Variants in PRR16 observed in about 807,000 individuals in gnomAD.
PRR16 encodes proline rich 16.
In PRR16, 6 loss-of-function variants were observed where a neutral mutation model predicts 18.2. That is an observed-to-expected ratio of 0.33 (90% CI 0.18 to 0.65). The LOEUF (loss-of-function observed/expected upper bound fraction) is 0.65, where lower values mean the gene tolerates loss of function less well. Among genes scored for constraint, PRR16 ranks in the 30% least tolerant of loss-of-function variants. The pLI is 0.74. For missense variants in PRR16, 412 were observed against 376.6 expected (o/e 1.09, Z -0.78); for synonymous variants, 151 against 147.8 (o/e 1.02, Z -0.16).
chr5:120,469,558 G>A (rs1052962738), intron 1 of PRR16, among the ~76,000 whole-genome samples: 2 of 151,802 alleles, frequency 1.3e-5, no homozygotes, highest in Non-Finnish European at 2.9e-5. Context: ...TTGAACACCT[G>A]TCTTCAAGTC....
chr5:120,783,748 G>GAAAT, the PRR16 span, among the ~76,000 whole-genome samples: 1 of 151,862 alleles, frequency 6.6e-6, no homozygotes. Context: ...TAGTTATTTG[G>GAAAT]AAATATACAA....
At chr5:120,757,495 T>G in the PRR16 span, among the ~76,000 whole-genome samples, 5 of 151,992 alleles carry the variant, frequency 3.3e-5, no homozygotes, top group Admixed American at 1.3e-4. Context: ...CTTTCAGCAG[T>G]GTTTTCTGGG....
At chr5:120,681,311 T>C (rs1049210890) in intron 1 of PRR16, among the ~76,000 whole-genome samples, 1 of 152,202 alleles carries the variant, frequency 6.6e-6, no homozygotes, top group Admixed American at 6.5e-5. Context: ...ATATCTGTTA[T>C]TTCAATAGTT....
intron 1 of PRR16, among the ~76,000 whole-genome samples, chr5:120,493,280 G>A (rs1304464083): frequency 1.3e-5 from 2 of 151,900 alleles, no homozygotes; most frequent in Non-Finnish European, 2.9e-5. Flanking sequence ...ATATCATTGT[G>A]GTTTTATTTT....
intron 1 of PRR16, among the ~76,000 whole-genome samples, chr5:120,588,255 C>T (rs139030124): frequency 1.1e-4 from 16 of 152,262 alleles, no homozygotes; most frequent in Non-Finnish European, 1.3e-4. Context: ...ATTGCATAAA[C>T]TTAGTTTTTA....
chr5:120,726,826 A>G, the PRR16 span, among the ~76,000 whole-genome samples: 4 of 152,056 alleles, frequency 2.6e-5, no homozygotes, highest in Admixed American at 2.0e-4. Context: ...GGCTGTATAT[A>G]CTTAGAAGGC....
the PRR16 span, among the ~76,000 whole-genome samples, chr5:120,701,515 G>T: frequency 6.6e-6 from 1 of 152,092 alleles, no homozygotes; most frequent in African/African-American, 2.4e-5. Flanking sequence ...CTGGGCAGGA[G>T]GGGGAGGGCT....
intron 1 of PRR16, among the ~76,000 whole-genome samples, chr5:120,648,843 C>T (rs1305939679): frequency 6.6e-6 from 1 of 152,002 alleles, no homozygotes; most frequent in Non-Finnish European, 1.5e-5. Context: ...TTTCAAGCTA[C>T]AAACTTGATG....
chr5:120,514,887 C>T (rs1381008867), intron 1 of PRR16, among the ~76,000 whole-genome samples: 1 of 152,126 alleles, frequency 6.6e-6, no homozygotes, highest in East Asian at 1.9e-4. Flanking sequence ...CTAGCCTGCT[C>T]TTCGAAATTC....
At chr5:120,552,336 A>T (rs962657319) in intron 1 of PRR16, among the ~76,000 whole-genome samples, 4 of 151,880 alleles carry the variant, frequency 2.6e-5, no homozygotes, top group African/African-American at 9.7e-5. Context: ...GTTTGCTGGG[A>T]TTATCATAAA....
intron 1 of PRR16, among the ~76,000 whole-genome samples, chr5:120,581,907 G>T (rs893191432): frequency 2.0e-5 from 3 of 151,960 alleles, no homozygotes; most frequent in Non-Finnish European, 4.4e-5. Flanking sequence ...CCGTTCTTTT[G>T]CATTTGCTGA....
chr5:120,487,405 A>G lies in PRR16; in HGVS notation c.159+22760A>G, dbSNP rs988945689. Among the ~76,000 whole-genome samples, 92 of 152,236 alleles carry G rather than the reference A, an allele frequency of 6.0e-4. 1 individual carries two copies. The highest frequency in any genetic ancestry group is 3.4e-3 in the Middle Eastern group (1 of 294). On this transcript the variant is annotated intron_variant, in intron 1 of 1. Transcript: ENST00000407149. The stretch of plus-strand genomic sequence containing the variant: ...TTCCTAGGTATTTTATTCTCTTTGA[A>G]GCAATTGTGAATGGGCGTTCACTCA...
chr5:120,664,346 G>A (rs1044702673), intron 1 of PRR16, among the ~76,000 whole-genome samples: 13 of 151,598 alleles, frequency 8.6e-5, no homozygotes, highest in East Asian at 1.9e-4. Flanking sequence ...TCCTTATCTC[G>A]TGCTGCAATC....
chr5:120,755,155 C>T, the PRR16 span, among the ~76,000 whole-genome samples: 3 of 150,902 alleles, frequency 2.0e-5, no homozygotes, highest in Admixed American at 6.6e-5. Flanking sequence ...CAAACCTGCA[C>T]GTTGTGCACA....
At chr5:120,621,068 A>C (rs146756084) in intron 1 of PRR16, among the ~76,000 whole-genome samples, 40 of 152,188 alleles carry the variant, frequency 2.6e-4, no homozygotes, top group Admixed American at 2.3e-3. Context: ...AAGTTTTGTC[A>C]AATGTTCCTC....
rs182192484 is a variant in PRR16 at position 120,610,538 on chromosome 5, G to A, written c.160-75416G>A. 2.4e-3 allele frequency among the ~76,000 whole-genome samples: 372 copies of A among 151,940 alleles called. 2 individuals carry two copies. Among genetic ancestry groups the A allele is most frequent in the African/African-American group, 8.6e-3 (355 of 41,436 alleles). ...GACCCAGGGGAGGTAATTGAATCACGGGGGCCAGTCTTTCCCATGCTACTC... is the reference window on the plus strand; with the variant it reads ...GACCCAGGGGAGGTAATTGAATCACAGGGGCCAGTCTTTCCCATGCTACTC... On this transcript the variant is annotated intron_variant, in intron 1 of 1. Coordinates refer to ENST00000407149, the MANE Select transcript of PRR16 (RefSeq NM_001300783.2).
chr5:120,750,018 T>A, the PRR16 span, among the ~76,000 whole-genome samples: 2 of 152,130 alleles, frequency 1.3e-5, no homozygotes, highest in African/African-American at 4.8e-5. Context: ...CAGAAAAAAA[T>A]ACATATGAAT....
the PRR16 span, among the ~76,000 whole-genome samples, chr5:120,775,794 CTATTTTTTTTTTT>C: frequency 8.2e-6 from 1 of 122,570 alleles, no homozygotes; most frequent in African/African-American, 3.4e-5. Context: ...CTACGCCTGG[CTATTTTTTTTTTT>C]TTTTTTTTTT....
the PRR16 span, among the ~76,000 whole-genome samples, chr5:120,789,636 CTTA>C: frequency 6.6e-6 from 1 of 151,952 alleles, no homozygotes; most frequent in African/African-American, 2.4e-5. Context: ...ATTTTGAGAA[CTTA>C]TTATACTTAA....
Sources: gnomAD v4.1 joint callset for allele counts (sites outside exome capture counted in the v4.1 genomes callset) on GRCh38, gnomAD v4.1.1 for gene constraint, MANE v1.5 for transcripts, NCBI Gene and HGNC (gene_info 2026-07-23, HGNC 2026-07-21) for gene names.